PUS1: variants seen among roughly 807,000 people sequenced by gnomAD.
The protein encoded by PUS1 is pseudouridylate synthase 1 homolog.
In PUS1, 25 loss-of-function variants were observed where a neutral mutation model predicts 38.5. The ratio of observed to expected loss-of-function variants is 0.65; its 90% CI spans 0.47 to 0.91. The LOEUF is 0.91. PUS1 is among the 40% of genes least tolerant of loss of function. PUS1 has a pLI of 0.00. For synonymous variants in PUS1, 282 were observed against 260.4 expected (o/e 1.08, Z -0.80); for missense variants, 597 against 612.3 (o/e 0.97, Z 0.26).
chr12:131,942,617 A>G (rs989857791), intron 5 of PUS1, among the ~76,000 whole-genome samples: 4 of 152,162 alleles, frequency 2.6e-5, no homozygotes, highest in African/African-American at 4.8e-5. Flanking sequence ...CATGTTAGCC[A>G]GGATGGTCTT....
Position 131,941,784 on chromosome 12 carries a change from G to A in PUS1, c.1037G>A (p.Arg346His), listed in dbSNP as rs750169475. 2.7e-5 allele frequency: 44 copies of A among 1,613,328 alleles called. No homozygotes were observed. In the Admixed American group the frequency reaches 5.8e-4, roughly 21 times the overall value. Residue 346 changes from arginine to histidine, a missense_variant, in exon 5 of 6, where the codon CGC becomes CAC. Coordinates refer to ENST00000376649, the MANE Select transcript of PUS1 (RefSeq NM_025215.6). This position sits in a 1 kb window ranked among gnomAD's most constrained non-coding sequence, Gnocchi z 4.4. Reference sequence around the variant, plus strand: ...GTGCACTTCGAGAAGTACAACCAGCGCTTTGGCAACGATGGGCTGCATGAG... The same window carrying A: ...GTGCACTTCGAGAAGTACAACCAGCACTTTGGCAACGATGGGCTGCATGAG... ...ERVHFEKYNQ[R>H]FGNDGLHEPL...
At chr12:131,939,103 T>A (rs777996593) in intron 3 of PUS1, 70 bp from the exon 4 acceptor site, 2 of 995,492 alleles carry the variant, frequency 2.0e-6, no homozygotes, top group Non-Finnish European at 1.6e-6. Context: ...GCGTAGTCCT[T>A]CTTTCTCAGA....
Position 131,939,175 on chromosome 12 carries a change from T to C in PUS1, c.444T>C (p.Gly148=). 5.1e-6 allele frequency: 8 copies of C among 1,555,578 alleles called. No individual in the cohort carries two copies. The highest frequency in any genetic ancestry group is 7.0e-6 in the Non-Finnish European group (8 of 1,148,614). ...SFQRCARTDK[G]VSAAGQVVSL... ...CACCCGTTCTGCTTTGTTTACAGGG[T>C]GTGTCCGCAGCCGGCCAGGTGGTAT... The change falls in exon 4 of 6, where the codon GGT becomes GGC. Residue 148 remains glycine, a splice_region_variant and synonymous_variant. Coordinates refer to ENST00000376649, the MANE Select transcript of PUS1 (RefSeq NM_025215.6).
chr12:131,931,949 T>C, intron 2 of PUS1: 1 of 633,036 alleles, frequency 1.6e-6, no homozygotes, highest in South Asian at 1.8e-5. Context: ...AAACCTGTGT[T>C]TTGATTCCAT....
In PUS1 at chr12:131,930,000, C is replaced by G; in HGVS notation, c.168C>G (p.Asp56Glu). 2 of 1,483,786 alleles carry G rather than the reference C, an allele frequency of 1.3e-6. No homozygotes were observed. The highest frequency in any genetic ancestry group is 2.7e-5 in the South Asian group (2 of 73,376). The allele number at this position is 1,483,786 out of a possible 1,614,324, so 91.9% of individuals were successfully genotyped here. ...CCTGCAGCGGCCGGGCCGGGGGCGA[C>G]CGCGTCTGGGAGGACGGAGAACATC... ...RRSCSGRAGG[D>E]RVWEDGEHPA... Residue 56 changes from aspartate to glutamate, a missense_variant, in exon 2 of 6, where the codon GAC becomes GAG. Asp to Glu is a conservative substitution (Grantham distance 45). Coordinates refer to ENST00000376649, the MANE Select transcript of PUS1 (RefSeq NM_025215.6).
chr12:131,942,952 T>C (rs1361258247), intron 5 of PUS1, among the ~76,000 whole-genome samples: 1 of 151,654 alleles, frequency 6.6e-6, no homozygotes, highest in African/African-American at 2.4e-5. Flanking sequence ...CGGCAGGGAG[T>C]TGGGGGGCCA....
rs144854420 is a variant in PUS1, at chr12:131,931,520, T to G, written c.304-655T>G. On this transcript the variant is annotated intron_variant, in intron 2 of 5. Transcript: ENST00000376649. ...AAGCAATTCTCCTGCCTCAGCCTCC[T>G]GAGTCACTGGGATTAAAAGCATACC... The G allele has an allele frequency of 6.8e-3, 1,042 of 153,572 alleles. 31 individuals are homozygous for G. The South Asian group carries it at 0.09, about 13-fold the overall frequency. 9.5% of individuals were successfully genotyped at this position (153,572 alleles called of 1,614,324 possible).
chr12:131,937,252 A>C (rs905689136), intron 3 of PUS1, among the ~76,000 whole-genome samples: 1 of 152,180 alleles, frequency 6.6e-6, no homozygotes, highest in Non-Finnish European at 1.5e-5. Context: ...TAATGCCATG[A>C]TTCTTAATAA....
intron 3 of PUS1, among the ~76,000 whole-genome samples, chr12:131,935,189 T>C (rs1890769485): frequency 6.6e-6 from 1 of 152,138 alleles, no homozygotes. Flanking sequence ...ATCCACAAGT[T>C]CACTCCTAGT....
rs765756481 is a variant in PUS1 at position 131,941,518 on chromosome 12, C to T, written c.771C>T (p.Pro257=). 2.5e-6 allele frequency: 4 copies of T among 1,614,180 alleles called. No homozygotes were observed. The highest frequency in any genetic ancestry group is 3.4e-6 in the Non-Finnish European group (4 of 1,180,006). ...CCTCGCAGAAGGGGCCGCAGGATCC[C>T]AGTGCCTGCCGCTACATCCTGGAGA... ...NFTSQKGPQD[P]SACRYILEMY... The change falls in exon 5 of 6, where the codon CCC becomes CCT. Residue 257 remains proline (P), a synonymous_variant. Transcript: ENST00000376649. The surrounding 1 kb of genome is among the most constrained non-coding windows in gnomAD (Gnocchi z 4.4).
At chr12:131,939,355 T>C in intron 4 of PUS1, 80 bp downstream of exon 4, 1 of 919,694 alleles carries the variant, frequency 1.1e-6, no homozygotes, top group East Asian at 2.6e-5. Flanking sequence ...TGCTCCTGCC[T>C]TTTCCAACTG....
chr12:131,942,429 C>T (rs377003011), intron 5 of PUS1, among the ~76,000 whole-genome samples: 1 of 151,798 alleles, frequency 6.6e-6, no homozygotes, highest in Non-Finnish European at 1.5e-5. Context: ...TTGTTTGAGA[C>T]GAAGTCTTGT....
intron 3 of PUS1, 80 bp downstream of exon 3, chr12:131,932,392 GTT>G: frequency 6.7e-7 from 1 of 1,499,222 alleles, no homozygotes; most frequent in South Asian, 1.2e-5. Flanking sequence ...GTTCTGGCTT[GTT>G]ATGCTGTTTC....
At chr12:131,939,334 G>T (rs768412798) in intron 4 of PUS1, 59 bp downstream of exon 4, 1 of 1,092,182 alleles carries the variant, frequency 9.2e-7, no homozygotes. Flanking sequence ...GCAGAGACAC[G>T]AGGCTATGCA....
intron 3 of PUS1, among the ~76,000 whole-genome samples, chr12:131,936,845 C>T (rs533532031): frequency 1.6e-3 from 235 of 150,206 alleles, no homozygotes; most frequent in Non-Finnish European, 2.7e-3. Flanking sequence ...GTCGAGGTTG[C>T]GTCACTGAGC....
At chr12:131,943,272 T>G (rs1287250088) in intron 5 of PUS1, among the ~76,000 whole-genome samples, 1 of 152,200 alleles carries the variant, frequency 6.6e-6, no homozygotes, top group African/African-American at 2.4e-5. Flanking sequence ...ATGGCCCCAT[T>G]TTATTTTCCC....
In PUS1 at chr12:131,933,057, G is replaced by A. The variant is rs535519345; in HGVS notation, c.441+745G>A. Among the ~76,000 whole-genome samples the A allele has an allele frequency of 1.2e-4, 18 of 152,204 alleles. No individual in the cohort carries two copies. The East Asian group carries it at 3.3e-3, about 28-fold the overall frequency. On this transcript the variant is annotated intron_variant, in intron 3 of 5. Transcript: ENST00000376649. ...CTCACTATCACGAGAACAGCATGGGGGAAGCCGGGCCCATGATCCAGTCAC... is the reference window on the plus strand; with the variant it reads ...CTCACTATCACGAGAACAGCATGGGAGAAGCCGGGCCCATGATCCAGTCAC...
At chr12:131,942,641 T>C (rs543682974) in intron 5 of PUS1, among the ~76,000 whole-genome samples, 395 of 152,216 alleles carry the variant, frequency 2.6e-3, no homozygotes, top group South Asian at 0.012. Flanking sequence ...CTCCTGACCT[T>C]GTGATCCACC....
intron 3 of PUS1, among the ~76,000 whole-genome samples, chr12:131,936,151 A>G (rs1330599195): frequency 2.7e-5 from 4 of 149,506 alleles, no homozygotes; most frequent in Admixed American, 2.7e-4. Flanking sequence ...GCGGAGGTTG[A>G]AGTAAGCTGA....
Sources: allele counts gnomAD v4.1 joint callset (sites outside exome capture counted in the v4.1 genomes callset), GRCh38; gene constraint gnomAD v4.1.1; non-coding constraint Gnocchi (gnomAD v3.1); transcripts MANE v1.5; gene names NCBI Gene and HGNC (gene_info 2026-07-23, HGNC 2026-07-21).